UNC5CL: variants seen among roughly 807,000 people sequenced by gnomAD.
The protein encoded by UNC5CL is UNC5C-like protein.
In UNC5CL, 42 loss-of-function variants were observed where a neutral mutation model predicts 54.1. The observed-to-expected ratio is 0.78, with a 90% CI of 0.61 to 1.00. The LOEUF is 1.00. UNC5CL is among the 50% of genes least tolerant of loss of function. UNC5CL has a pLI of 0.00. For synonymous variants in UNC5CL, 285 were observed against 285.1 expected (o/e 1.00, Z 0.00); for missense variants, 619 against 675.6 (o/e 0.92, Z 0.93).
In UNC5CL at chr6:41,035,204, C is replaced by T; in HGVS notation, c.-61-69G>A. Reference sequence around the variant, plus strand: ...GTTGTGGAGGTCAAGGCTTGGCTTACACATAGCTGCAAGTTGTCTTCATTC... The same window carrying T: ...GTTGTGGAGGTCAAGGCTTGGCTTATACATAGCTGCAAGTTGTCTTCATTC... On this transcript the variant is annotated intron_variant, in intron 1 of 8. Transcript: ENST00000244565. The T allele has an allele frequency of 4.2e-6, 5 of 1,185,250 alleles. No individual in the cohort carries two copies. In the South Asian group the frequency reaches 8.7e-5, roughly 21 times the overall value. 73.4% of individuals were successfully genotyped at this position (1,185,250 alleles called of 1,614,324 possible).
intron 1 of UNC5CL, among the ~76,000 whole-genome samples, chr6:41,038,429 G>A (rs1762546683): frequency 2.0e-5 from 3 of 152,046 alleles, no homozygotes; most frequent in African/African-American, 7.2e-5. Flanking sequence ...AGAGTCCCCT[G>A]GCTCAACCTC....
chr6:41,032,870 A>G lies in UNC5CL; in HGVS notation c.949+14T>C. On this transcript the variant is annotated intron_variant, in intron 4 of 8. Transcript: ENST00000244565. ...TCCCGATCATCCTATCCCACAGGCCACTGCCTCCCTCACCCTCTGAGATGT... is the reference window on the plus strand; with the variant it reads ...TCCCGATCATCCTATCCCACAGGCCGCTGCCTCCCTCACCCTCTGAGATGT... The G allele has an allele frequency of 6.3e-7, 1 of 1,583,294 alleles. No homozygotes were observed. Among genetic ancestry groups the G allele is most frequent in the Non-Finnish European group, 8.6e-7 (1 of 1,163,210 alleles).
In UNC5CL at chr6:41,029,421, T is replaced by C. The variant is rs1407792528; in HGVS notation, c.1335-826A>G. 2.0e-5 allele frequency among the ~76,000 whole-genome samples: 3 copies of C among 152,252 alleles called. No individual in the cohort carries two copies. The highest frequency in any genetic ancestry group is 2.9e-5 in the Non-Finnish European group (2 of 68,040). On this transcript the variant is annotated intron_variant, in intron 8 of 8. Coordinates refer to ENST00000244565, the MANE Select transcript of UNC5CL (RefSeq NM_173561.3). The surrounding 1 kb of genome is among the most constrained non-coding windows in gnomAD (Gnocchi z 4.1). ...TCAGCTGTTTTCTGTCTCTCTTCAA[T>C]GTGTTATACAATACTGGATTCTTAC...
chr6:41,030,324 TCCTGAGGAACC>T, intron 8 of UNC5CL, 53 bp downstream of exon 8: 1 of 1,498,492 alleles, frequency 6.7e-7, no homozygotes. Context: ...CTCCAGAGTG[TCCTGAGGAACC>T]CCATTCCAGC....
At chr6:41,038,004 C>T (rs1762543016) in intron 1 of UNC5CL, among the ~76,000 whole-genome samples, 2 of 152,124 alleles carry the variant, frequency 1.3e-5, no homozygotes, top group African/African-American at 4.8e-5. Context: ...ATAAGGAATC[C>T]GAGCTTTCTC....
intron 1 of UNC5CL, among the ~76,000 whole-genome samples, chr6:41,038,272 C>A (rs558307153): frequency 1.2e-4 from 19 of 152,316 alleles, no homozygotes; most frequent in Admixed American, 4.6e-4. Context: ...ACACCCCCAC[C>A]TACCAAGGTA....
At chr6:41,038,753 G>A (rs1213193762) in intron 1 of UNC5CL, among the ~76,000 whole-genome samples, 2 of 152,114 alleles carry the variant, frequency 1.3e-5, no homozygotes, top group Non-Finnish European at 2.9e-5. Context: ...CTGTCCCTAG[G>A]CAGTTGCATC....
chr6:41,037,763 T>C (rs2294693), intron 1 of UNC5CL, among the ~76,000 whole-genome samples: 39,908 of 152,188 alleles, frequency 0.26, 5,409 homozygotes, highest in South Asian at 0.33. Flanking sequence ...ATTGGCAGTG[T>C]CCCAAAGCTG....
intron 1 of UNC5CL, among the ~76,000 whole-genome samples, chr6:41,036,347 T>C (rs961898574): frequency 6.6e-6 from 1 of 152,216 alleles, no homozygotes; most frequent in Non-Finnish European, 1.5e-5. Context: ...AAGTGCCCAG[T>C]AGCCACGTGT....
rs1430379085 is a variant in UNC5CL, at chr6:41,031,621, C to T, written c.1119+60G>A. ...GTTACTGGGCACCAGACCCTGTGCC[C>T]ACTTTGCCTAGGATTTCCCCCAGGC... is the stretch of plus-strand genomic sequence containing the variant. On this transcript the variant is annotated intron_variant, in intron 6 of 8. Coordinates refer to ENST00000244565, the MANE Select transcript of UNC5CL (RefSeq NM_173561.3). 3 of 1,559,154 alleles carry T rather than the reference C, an allele frequency of 1.9e-6. No homozygotes were observed. The African/African-American group carries it at 4.1e-5, about 21-fold the overall frequency.
chr6:41,032,332 G>A (rs1364086960), intron 4 of UNC5CL, among the ~76,000 whole-genome samples, 195 bp from the exon 5 acceptor site: 1 of 152,146 alleles, frequency 6.6e-6, no homozygotes, highest in Non-Finnish European at 1.5e-5. Flanking sequence ...GCTTCTGTGG[G>A]GTATAACCCC....
intron 8 of UNC5CL, among the ~76,000 whole-genome samples, 191 bp downstream of exon 8, chr6:41,030,197 A>G (rs1235711201): frequency 6.6e-6 from 1 of 152,250 alleles, no homozygotes; most frequent in Non-Finnish European, 1.5e-5. Flanking sequence ...ACTATGCACC[A>G]GGCATCATTC....
rs1261576989 is a variant in UNC5CL at position 41,028,540 on chromosome 6, G to C, written c.1390C>G (p.Gln464Glu). The change falls in exon 9 of 9, where the codon CAG (glutamine) becomes GAG (glutamate). Residue 464 changes from glutamine to glutamate, a missense_variant. By Grantham distance (29) the Gln-to-Glu change is conservative (BLOSUM62 2). Coordinates refer to ENST00000244565, the MANE Select transcript of UNC5CL (RefSeq NM_173561.3). The surrounding 1 kb of genome is among the most constrained non-coding windows in gnomAD (Gnocchi z 4.3). The part of the protein sequence containing the change: ...AAAILELFEE[Q>E]NGSLQELHYL... ...TGCAGCTCCTGCAGGCTGCCGTTCT[G>C]CTCCTCAAACAACTCCAGGATGGCC... is the stretch of plus-strand genomic sequence containing the variant. The C allele has an allele frequency of 6.2e-7, 1 of 1,613,786 alleles. No homozygotes were observed. Among genetic ancestry groups the C allele is most frequent in the East Asian group, 2.2e-5 (1 of 44,870 alleles).
Position 41,030,725 on chromosome 6 carries a change from T to C in UNC5CL, c.1150A>G (p.Arg384Gly). 6.2e-7 allele frequency: 1 copy of C among 1,614,056 alleles called. No homozygotes were observed. Among genetic ancestry groups the C allele is most frequent in the Non-Finnish European group, 8.5e-7 (1 of 1,179,992 alleles). ...GATTCCTCCTCTGATGCCTGGAATC[T>C]GAGGATTTCCATATACTTGGTCTCC... ...GLETKYMEIL[R>G]FQASEEESWA... is the part of the protein sequence containing the mutation. The change falls in exon 7 of 9, where the codon AGA becomes GGA. Residue 384 changes from arginine (R) to glycine (G), a missense_variant. By Grantham distance (125) the Arg-to-Gly change is moderately radical (BLOSUM62 -2). Coordinates refer to ENST00000244565, the MANE Select transcript of UNC5CL (RefSeq NM_173561.3).
In UNC5CL at chr6:41,028,071, A is replaced by C; in HGVS notation, c.*302T>G. ...AATACTTTAGGGCCTGACCGGCCCT[A>C]AAGTGCACGCGGGGACCGTGGCCGT... On this transcript the variant is annotated 3_prime_UTR_variant, in exon 9 of 9. Coordinates refer to ENST00000244565, the MANE Select transcript of UNC5CL (RefSeq NM_173561.3). This position sits in a 1 kb window ranked among gnomAD's most constrained non-coding sequence, Gnocchi z 4.3. 4.7e-6 allele frequency: 2 copies of C among 421,472 alleles called. No homozygotes were observed. Among genetic ancestry groups the C allele is most frequent in the South Asian group, 3.2e-5 (1 of 31,500 alleles). The allele number at this position is 421,472 out of a possible 1,614,324, so 26.1% of individuals were successfully genotyped here.
chr6:41,036,750 A>G (rs1762529126), intron 1 of UNC5CL, among the ~76,000 whole-genome samples: 1 of 141,558 alleles, frequency 7.1e-6, no homozygotes, highest in East Asian at 2.0e-4. Context: ...AAGTGGAAGC[A>G]AAAAAAAAAA....
chr6:41,032,731 G>C (rs1160821559), intron 4 of UNC5CL, among the ~76,000 whole-genome samples, 153 bp downstream of exon 4: 1 of 152,080 alleles, frequency 6.6e-6, no homozygotes, highest in East Asian at 1.9e-4. Flanking sequence ...ACTGCACTCC[G>C]GCCTGGGCAA....
intron 4 of UNC5CL, 136 bp downstream of exon 4, chr6:41,032,748 G>GA: frequency 1.5e-6 from 2 of 1,349,454 alleles, no homozygotes; most frequent in African/African-American, 1.5e-5. Context: ...GCAACAGAGC[G>GA]AAACTCCATC....
In UNC5CL at chr6:41,030,473, G is replaced by A. The variant is rs780992462; in HGVS notation, c.1249C>T (p.Arg417Trp). ...RLPPELFEQL[R>W]MLLEPNSITG... ...ATGCTGTTTGGCTCCAATAACATCC[G>A]CAGCTGCTCAAAGAGCTCTGGGGGC... Residue 417 changes from arginine to tryptophan, a missense_variant, in exon 8 of 9, where the codon CGG (arginine) becomes TGG (tryptophan). By Grantham distance (101) the Arg-to-Trp change is moderately radical. Transcript: ENST00000244565. The A allele has an allele frequency of 1.1e-5, 18 of 1,614,070 alleles. No homozygotes were observed. Among genetic ancestry groups the A allele is most frequent in the Admixed American group, 5.0e-5 (3 of 60,010 alleles).
Sources: gnomAD v4.1 joint callset for allele counts (sites outside exome capture counted in the v4.1 genomes callset) on GRCh38, gnomAD v4.1.1 for gene constraint, Gnocchi (gnomAD v3.1) non-coding constraint, MANE v1.5 for transcripts, NCBI Gene and HGNC (gene_info 2026-07-23, HGNC 2026-07-21) for gene names.